The following LCP2 variants were observed in gnomAD, a reference collection of about 807,000 sequenced individuals.
The protein encoded by LCP2 is 76 kDa tyrosine phosphoprotein.
In LCP2, 29 loss-of-function variants were observed where a neutral mutation model predicts 74.5. That is an observed-to-expected ratio of 0.39 (90% CI 0.29 to 0.53). The LOEUF is 0.53. LCP2 is among the 20% of genes least tolerant of loss of function. The pLI, the probability that LCP2 is intolerant of heterozygous loss-of-function variation, is 0.72. For synonymous variants in LCP2, 228 were observed against 229.5 expected (o/e 0.99, Z 0.06); for missense variants, 604 against 634.6 (o/e 0.95, Z 0.52).
intron 10 of LCP2, among the ~76,000 whole-genome samples, chr5:170,263,564 G>T (rs1761699613): frequency 1.3e-5 from 2 of 152,122 alleles, no homozygotes; most frequent in Non-Finnish European, 1.5e-5. Flanking sequence ...AGTTAGTATT[G>T]TTTGTTTTGC....
intron 3 of LCP2, among the ~76,000 whole-genome samples, chr5:170,286,529 C>T (rs1321212692): frequency 1.3e-5 from 2 of 152,206 alleles, no homozygotes; most frequent in African/African-American, 2.4e-5. Context: ...GCATAGTAGT[C>T]ACCAGCTATA....
At chr5:170,275,412 C>G in intron 4 of LCP2, 61 bp from the exon 5 acceptor site, 2 of 1,590,192 alleles carry the variant, frequency 1.3e-6, no homozygotes, top group Non-Finnish European at 1.7e-6. Context: ...CTCCCTCTTT[C>G]CTCAACCTGG....
At chr5:170,277,186 A>T (rs1165112994) in intron 3 of LCP2, among the ~76,000 whole-genome samples, 2 of 151,802 alleles carry the variant, frequency 1.3e-5, no homozygotes, top group Non-Finnish European at 2.9e-5. Flanking sequence ...AGCCTTTCTA[A>T]TTTCCAAGCC....
At chr5:170,272,510 C>G (rs1156825842) in intron 6 of LCP2, among the ~76,000 whole-genome samples, 1 of 150,608 alleles carries the variant, frequency 6.6e-6, no homozygotes. Flanking sequence ...CAGAAGTAGC[C>G]AGCCAACTCA....
chr5:170,257,725 T>C (rs1192766416), intron 16 of LCP2, among the ~76,000 whole-genome samples: 1 of 152,172 alleles, frequency 6.6e-6, no homozygotes, highest in Non-Finnish European at 1.5e-5. Flanking sequence ...GGTTTCTTAA[T>C]TATTGTTGTT....
chr5:170,272,492 C>T (rs1277697561), intron 6 of LCP2, among the ~76,000 whole-genome samples: 2 of 150,878 alleles, frequency 1.3e-5, no homozygotes, highest in Non-Finnish European at 2.9e-5. Flanking sequence ...AACTTAAGCC[C>T]AACCAATCAG....
intron 3 of LCP2, 36 bp from the exon 4 acceptor site, chr5:170,275,896 A>G: frequency 6.6e-7 from 1 of 1,520,720 alleles, no homozygotes; most frequent in Non-Finnish European, 9.0e-7. Flanking sequence ...AGATAAAACC[A>G]TCACTCAGTC....
At chr5:170,275,936 C>A in intron 3 of LCP2, 76 bp from the exon 4 acceptor site, 3 of 1,325,850 alleles carry the variant, frequency 2.3e-6, no homozygotes, top group Non-Finnish European at 3.2e-6. Flanking sequence ...TTGATATCCC[C>A]TGGTCTATAG....
In LCP2 at chr5:170,297,633, C is replaced by G. The variant is rs1267959255; in HGVS notation, c.-22G>C. The G allele has an allele frequency of 6.3e-7, 1 of 1,597,956 alleles. No homozygotes were observed. The highest frequency in any genetic ancestry group is 1.3e-5 in the African/African-American group (1 of 74,710). On this transcript the variant is annotated 5_prime_UTR_variant, in exon 1 of 21. Transcript: ENST00000046794. The stretch of plus-strand genomic sequence containing the variant: ...CCATGGCTGCTCTCCCGGGAAGAAG[C>G]TCACAAGCTGAGCATGGGCGCTTCA...
chr5:170,279,194 C>T (rs1215969835), intron 3 of LCP2, among the ~76,000 whole-genome samples: 1 of 152,162 alleles, frequency 6.6e-6, no homozygotes, highest in Non-Finnish European at 1.5e-5. Context: ...GACTAGCTGG[C>T]CCTGGAAATG....
At position 170,275,787 on chromosome 5, in the gene LCP2, G is replaced by T; in HGVS notation, c.254+8C>A. The T allele has an allele frequency of 5.1e-6, 8 of 1,573,934 alleles. No individual in the cohort carries two copies. The South Asian group carries it at 9.3e-5, about 18-fold the overall frequency. Reference sequence around the variant, plus strand: ...AATCTTGCGTTTCCTTACACCAGCCGCACTCACTTGCGTGTGAAGATGCTC... The same window carrying T: ...AATCTTGCGTTTCCTTACACCAGCCTCACTCACTTGCGTGTGAAGATGCTC... On this transcript the variant is annotated splice_region_variant and intron_variant, in intron 4 of 20. Coordinates refer to ENST00000046794, the MANE Select transcript of LCP2 (RefSeq NM_005565.5).
chr5:170,276,644 A>G lies in LCP2; in HGVS notation c.189-784T>C, dbSNP rs73804025. On this transcript the variant is annotated intron_variant, in intron 3 of 20. Transcript: ENST00000046794. ...GCAGGAGGGCTTTGCCGACAGAACCATATCTCCAGCATGCCCTAGCAACAA... is the reference window on the plus strand; with the variant it reads ...GCAGGAGGGCTTTGCCGACAGAACCGTATCTCCAGCATGCCCTAGCAACAA... Among the ~76,000 whole-genome samples the G allele has an allele frequency of 5.4e-3, 829 of 152,236 alleles. 11 individuals carry two copies. Among genetic ancestry groups the G allele is most frequent in the African/African-American group, 0.019 (783 of 41,532 alleles).
intron 14 of LCP2, among the ~76,000 whole-genome samples, 200 bp from the exon 15 acceptor site, chr5:170,259,078 C>T (rs1404104169): frequency 6.6e-6 from 1 of 152,170 alleles, no homozygotes; most frequent in Non-Finnish European, 1.5e-5. Context: ...AAACAGTCAT[C>T]TAAGGGCATT....
Position 170,261,121 on chromosome 5 carries a change from C to A in LCP2, c.943G>T (p.Asp315Tyr), listed in dbSNP as rs771353200. 1.2e-6 allele frequency: 2 copies of A among 1,606,068 alleles called. No homozygotes were observed. Among genetic ancestry groups the A allele is most frequent in the South Asian group, 2.2e-5 (2 of 90,700 alleles). ...PPVPKHGWGP[D>Y]RRENDEDDVH... ...TTTGTACTTACATTCTCTCTTCTGTCTGGTCCCCATCCATGCCTGAAATGA... is the reference window on the plus strand; with the variant it reads ...TTTGTACTTACATTCTCTCTTCTGTATGGTCCCCATCCATGCCTGAAATGA... The change falls in exon 14 of 21, where the codon GAC becomes TAC. Residue 315 changes from aspartate (D) to tyrosine (Y), a missense_variant. Transcript: ENST00000046794.
intron 14 of LCP2, among the ~76,000 whole-genome samples, chr5:170,260,292 C>T (rs1267620994): frequency 1.3e-5 from 2 of 152,208 alleles, no homozygotes; most frequent in Non-Finnish European, 2.9e-5. Flanking sequence ...GATCTCAGCA[C>T]TTCATCGGAA....
Position 170,268,470 on chromosome 5 carries a change from G to C in LCP2, c.536C>G (p.Ser179Cys). Residue 179 changes from serine to cysteine, a missense_variant, in exon 8 of 21, where the codon TCT (serine) becomes TGT (cysteine). Coordinates refer to ENST00000046794, the MANE Select transcript of LCP2 (RefSeq NM_005565.5). ...AGGAGGCTGCTGGGGGGTTTTCCCA[G>C]AGGGGGGCCGGTCTGTGGAAACACA... is the stretch of plus-strand genomic sequence containing the variant. ...SNSMYIDRPP[S>C]GKTPQQPPVP... 3.7e-6 allele frequency: 1 copy of C among 271,216 alleles called. No individual in the cohort carries two copies. The highest frequency in any genetic ancestry group is 7.0e-6 in the Non-Finnish European group (1 of 142,640). 16.8% of individuals were successfully genotyped at this position (271,216 alleles called of 1,614,324 possible). A position where few individuals can be genotyped will look rare whatever the true frequency, so the allele number is the denominator to read the frequency against.
intron 1 of LCP2, 125 bp from the exon 2 acceptor site, chr5:170,293,497 C>T: frequency 1.2e-6 from 1 of 856,070 alleles, no homozygotes; most frequent in Non-Finnish European, 1.9e-6. Context: ...CCCCACTGCC[C>T]TCCCTTGGCT....
chr5:170,259,744 C>T (rs1400652281), intron 14 of LCP2, among the ~76,000 whole-genome samples: 2 of 152,156 alleles, frequency 1.3e-5, no homozygotes, highest in Non-Finnish European at 2.9e-5. Flanking sequence ...CGAAAAAGGC[C>T]ACAGTCAAAA....
Position 170,247,551 on chromosome 5 carries a change from A to T in LCP2, c.*1146T>A, listed in dbSNP as rs1761326542. 1 of 152,268 alleles carries T rather than the reference A, an allele frequency of 6.6e-6. No homozygotes were observed. Among genetic ancestry groups the T allele is most frequent in the African/African-American group, 2.4e-5 (1 of 41,468 alleles). 9.4% of individuals were successfully genotyped at this position (152,268 alleles called of 1,614,324 possible). ...AGGTCCCAAAGGGAAAAACTTGAAG[A>T]ACAACTGATTGTCACTATTTGGCTG... On this transcript the variant is annotated 3_prime_UTR_variant, in exon 21 of 21. Coordinates refer to ENST00000046794, the MANE Select transcript of LCP2 (RefSeq NM_005565.5).
Sources: gnomAD v4.1 joint callset for allele counts (sites outside exome capture counted in the v4.1 genomes callset) on GRCh38, gnomAD v4.1.1 for gene constraint, MANE v1.5 for transcripts, NCBI Gene and HGNC (gene_info 2026-07-23, HGNC 2026-07-21) for gene names.